The following SCG3 variants were observed in gnomAD, a reference collection of about 807,000 sequenced individuals.
SCG3 encodes the protein secretogranin-3.
A neutral mutation model predicts 56.2 loss-of-function variants in SCG3; 38 were observed. That is an observed-to-expected ratio of 0.68 (90% confidence interval 0.52 to 0.89). The LOEUF is 0.89. SCG3 is among the 40% of genes least tolerant of loss of function. The pLI, the probability that SCG3 is intolerant of heterozygous loss-of-function variation, is 0.00. For synonymous variants in SCG3, 176 were observed against 184.2 expected (o/e 0.96, Z 0.36); for missense variants, 524 against 540.7 (o/e 0.97, Z 0.31).
intron 9 of SCG3, 29 bp downstream of exon 9, chr15:51,699,431 T>C: frequency 7.3e-7 from 1 of 1,369,446 alleles, no homozygotes; most frequent in Non-Finnish European, 1.0e-6. Flanking sequence ...TTTTTTAGCC[T>C]TTAGAATAAT....
intron 6 of SCG3, among the ~76,000 whole-genome samples, chr15:51,691,792 G>C (rs1414959151): frequency 6.6e-6 from 1 of 152,130 alleles, no homozygotes; most frequent in East Asian, 1.9e-4. Flanking sequence ...AGCCCTCCTG[G>C]TGGATTCTGT....
intron 4 of SCG3, among the ~76,000 whole-genome samples, chr15:51,683,675 A>G (rs2055210449): frequency 6.6e-6 from 1 of 152,112 alleles, no homozygotes; most frequent in African/African-American, 2.4e-5. Flanking sequence ...TTAATCTAGT[A>G]TTTGTATTTT....
At chr15:51,713,919 G>A (rs113552024) in intron 11 of SCG3, among the ~76,000 whole-genome samples, 108 of 152,304 alleles carry the variant, frequency 7.1e-4, no homozygotes, top group South Asian at 3.7e-3. Context: ...GCTATGGTTG[G>A]CCCTGCTCAG....
intron 4 of SCG3, among the ~76,000 whole-genome samples, chr15:51,687,985 T>C (rs940081092): frequency 2.6e-5 from 4 of 152,224 alleles, no homozygotes; most frequent in Non-Finnish European, 5.9e-5. Context: ...TTATTGGTGA[T>C]AACAATAAAT....
chr15:51,717,238 C>T (rs1415953052), intron 11 of SCG3, among the ~76,000 whole-genome samples: 1 of 151,988 alleles, frequency 6.6e-6, no homozygotes, highest in African/African-American at 2.4e-5. Flanking sequence ...CGTGGTGGCA[C>T]GTGCCTGTAG....
rs542036699 is a variant in SCG3 at position 51,681,588 on chromosome 15, T to C, written c.-168T>C. The stretch of plus-strand genomic sequence containing the variant: ...CGCGCGCCCCAACCCTGCTTATCCC[T>C]TGACCGTCGAGTGTCAGAGATCCTG... On this transcript the variant is annotated 5_prime_UTR_variant, in exon 1 of 12. Transcript: ENST00000220478. The C allele has an allele frequency of 3.5e-5, 22 of 621,166 alleles. No individual in the cohort carries two copies. In the South Asian group the frequency reaches 4.2e-4, roughly 12 times the overall value. The allele number at this position is 621,166 out of a possible 1,614,324, so 38.5% of individuals were successfully genotyped here.
At chr15:51,689,736 A>G (rs1567217055) in intron 6 of SCG3, among the ~76,000 whole-genome samples, 1 of 152,090 alleles carries the variant, frequency 6.6e-6, no homozygotes, top group Non-Finnish European at 1.5e-5. Flanking sequence ...GCAGTGAACT[A>G]TGATTGCACC....
chr15:51,717,224 T>C (rs1282210930), intron 11 of SCG3, among the ~76,000 whole-genome samples: 4 of 152,014 alleles, frequency 2.6e-5, no homozygotes, highest in Admixed American at 6.5e-5. Context: ...AAAAATTAGC[T>C]GGGCGTGGTG....
Position 51,695,974 on chromosome 15 carries a change from A to G in SCG3, c.968A>G (p.Glu323Gly), listed in dbSNP as rs748925597. ...AAATATGGAACAATATCTCCAGAAG[A>G]AGGTGTTTCCTACCTTGGTGAGATT... Reference protein sequence around the residue: ...MVKYGTISPEEGVSYLENLDE... With the variant: ...MVKYGTISPEGGVSYLENLDE... The change falls in exon 8 of 12, where the codon GAA becomes GGA. Residue 323 changes from glutamate to glycine, a missense_variant. By Grantham distance (98) the Glu-to-Gly change is moderately conservative. Coordinates refer to ENST00000220478, the MANE Select transcript of SCG3 (RefSeq NM_013243.4). 1 of 1,592,184 alleles carries G rather than the reference A, an allele frequency of 6.3e-7. No homozygotes were observed. The highest frequency in any genetic ancestry group is 8.6e-7 in the Non-Finnish European group (1 of 1,160,478).
rs757795627 is a variant in SCG3 at position 51,683,327 on chromosome 15, C to T, written c.290C>T (p.Ser97Phe). 4 of 1,613,170 alleles carry T rather than the reference C, an allele frequency of 2.5e-6. No homozygotes were observed. The African/African-American group carries it at 5.3e-5, about 22-fold the overall frequency. Residue 97 changes from serine to phenylalanine, a missense_variant, in exon 4 of 12, where the codon TCC becomes TTC. Coordinates refer to ENST00000220478, the MANE Select transcript of SCG3 (RefSeq NM_013243.4). ...IEKERQSIRS[S>F]PLDNKLNVED... Reference sequence around the variant, plus strand: ...AAAGAAAGACAATCTATAAGAAGCTCCCCACTTGATAATAAGTTGAATGTG... The same window carrying T: ...AAAGAAAGACAATCTATAAGAAGCTTCCCACTTGATAATAAGTTGAATGTG...
At chr15:51,685,096 G>A (rs2141557785) in intron 4 of SCG3, among the ~76,000 whole-genome samples, 1 of 152,302 alleles carries the variant, frequency 6.6e-6, no homozygotes, top group African/African-American at 2.4e-5. Context: ...TAATAACCTA[G>A]GAGTGTTCTG....
At position 51,681,699 on chromosome 15, in the gene SCG3, A is replaced by T. The variant is rs1274594539; in HGVS notation, c.-57A>T. 13 of 1,316,518 alleles carry T rather than the reference A, an allele frequency of 9.9e-6. No individual in the cohort carries two copies. In the Admixed American group the frequency reaches 1.9e-4, roughly 19 times the overall value. 81.6% of individuals were successfully genotyped at this position (1,316,518 alleles called of 1,614,324 possible). ...TTACTCCTCCTTTTCATTCATAACA[A>T]AAGCTACAGCTCCAGGAGCCCAGCG... On this transcript the variant is annotated 5_prime_UTR_variant, in exon 1 of 12. Coordinates refer to ENST00000220478, the MANE Select transcript of SCG3 (RefSeq NM_013243.4).
rs142137970 is a variant in SCG3, at chr15:51,719,215, G to A, written c.1289-193G>A. On this transcript the variant is annotated intron_variant, in intron 11 of 11. Transcript: ENST00000220478. ...CAGGGTTGTGATGAAGCACAGATGA[G>A]ATAATACATGTAAATATTATTTTAT... is the stretch of plus-strand genomic sequence containing the variant. 9.2e-5 allele frequency among the ~76,000 whole-genome samples: 14 copies of A among 152,268 alleles called. No individual in the cohort carries two copies. In the East Asian group the frequency reaches 2.5e-3, roughly 27 times the overall value.
intron 9 of SCG3, among the ~76,000 whole-genome samples, chr15:51,700,508 T>C (rs1428041030): frequency 6.6e-6 from 1 of 152,190 alleles, no homozygotes; most frequent in African/African-American, 2.4e-5. Context: ...AGAGTTTCTC[T>C]CTTTTGATAG....
chr15:51,701,005 T>C, intron 9 of SCG3, 102 bp from the exon 10 acceptor site: 1 of 1,450,978 alleles, frequency 6.9e-7, no homozygotes, highest in Non-Finnish European at 9.4e-7. Context: ...AAATATGATC[T>C]GAGCTCAAAC....
chr15:51,716,176 T>C (rs76562725), intron 11 of SCG3, among the ~76,000 whole-genome samples: 4,688 of 152,280 alleles, frequency 0.031, 102 homozygotes, highest in Middle Eastern at 0.068. Context: ...TTTTCAAACT[T>C]TGATGCACAT....
intron 10 of SCG3, chr15:51,708,217 C>T (rs1343615383): frequency 1.3e-5 from 2 of 152,062 alleles, no homozygotes; most frequent in South Asian, 2.1e-4. Context: ...TTTCCAAAGT[C>T]GACTCTCATA....
At position 51,681,672 on chromosome 15, in the gene SCG3, T is replaced by C. The variant is rs1202166542; in HGVS notation, c.-84T>C. The stretch of plus-strand genomic sequence containing the variant: ...CACCCACCCTCCTGGCTCTTCCTGT[T>C]TTTACTCCTCCTTTTCATTCATAAC... On this transcript the variant is annotated 5_prime_UTR_variant, in exon 1 of 12. Coordinates refer to ENST00000220478, the MANE Select transcript of SCG3 (RefSeq NM_013243.4). 5.5e-6 allele frequency: 5 copies of C among 907,548 alleles called. No homozygotes were observed. Among genetic ancestry groups the C allele is most frequent in the Non-Finnish European group, 7.1e-6 (4 of 560,644 alleles). The allele number at this position is 907,548 out of a possible 1,614,324, so 56.2% of individuals were successfully genotyped here.
intron 9 of SCG3, among the ~76,000 whole-genome samples, chr15:51,700,184 T>C (rs1294717391): frequency 6.6e-6 from 1 of 152,136 alleles, no homozygotes; most frequent in East Asian, 1.9e-4. Flanking sequence ...AATAATGTAA[T>C]GACACAAGCG....
Sources: allele counts gnomAD v4.1 joint callset (sites outside exome capture counted in the v4.1 genomes callset), GRCh38; gene constraint gnomAD v4.1.1; transcripts MANE v1.5; gene names NCBI Gene and HGNC (gene_info 2026-07-23, HGNC 2026-07-21).